The following RPSA variants were observed in gnomAD, a reference collection of about 807,000 sequenced individuals.
RPSA encodes small ribosomal subunit protein uS2.
For missense variants in RPSA, 140 were observed against 372.8 expected (o/e 0.38, Z 5.14); for synonymous variants, 103 against 126.7 (o/e 0.81, Z 1.25).
chr3:39,408,989 A>G lies in RPSA; in HGVS notation c.252+265A>G, dbSNP rs7632488. The G allele has an allele frequency of 0.95, 357,471 of 377,760 alleles. 170,645 individuals are homozygous for G. The highest frequency in any genetic ancestry group is 1 in the Non-Finnish European group (200,070 of 200,604). 23.4% of individuals were successfully genotyped at this position (377,760 alleles called of 1,614,324 possible). A position where few individuals can be genotyped will look rare whatever the true frequency, so the allele number is the denominator to read the frequency against. On this transcript the variant is annotated intron_variant, in intron 3 of 6. Transcript: ENST00000301821. ...TAGTCCCAGCTACTCAGGAGGCCAAAGTGGAGAATGGCGTGAACCCGGTGG... is the reference window on the plus strand; with the variant it reads ...TAGTCCCAGCTACTCAGGAGGCCAAGGTGGAGAATGGCGTGAACCCGGTGG...
chr3:39,411,886 T>TG lies in RPSA; in HGVS notation c.628-9dup, dbSNP rs759840667. On this transcript the variant is annotated splice_polypyrimidine_tract_variant and intron_variant, in intron 5 of 6. Transcript: ENST00000301821. ...CTGTAAGTCTTTCCTCTTTTTTTTTTGTAACCCAGATTGAAAAAGAAGAGC... is the reference window on the plus strand; with the variant it reads ...CTGTAAGTCTTTCCTCTTTTTTTTTTGGTAACCCAGATTGAAAAAGAAGAGC... 6.3e-7 allele frequency: 1 copy of TG among 1,599,654 alleles called. No homozygotes were observed. The highest frequency in any genetic ancestry group is 1.3e-5 in the African/African-American group (1 of 75,014).
At chr3:39,411,342 A>C in intron 4 of RPSA, 1 of 581,368 alleles carries the variant, frequency 1.7e-6, no homozygotes, top group Non-Finnish European at 3.1e-6. Flanking sequence ...GATGGGTTCT[A>C]CTATAAGATG....
chr3:39,410,721 A>G, intron 3 of RPSA, 33 bp from the exon 4 acceptor site: 1 of 1,613,856 alleles, frequency 6.2e-7, no homozygotes, highest in Non-Finnish European at 8.5e-7. Flanking sequence ...GCTGTGGAAT[A>G]TCGAGTACCA....
rs187934486 is a variant in RPSA at position 39,409,850 on chromosome 3, A to G, written c.253-904A>G. Among the ~76,000 whole-genome samples, 437 of 147,730 alleles carry G rather than the reference A, an allele frequency of 3.0e-3. 2 individuals are homozygous for G. Among genetic ancestry groups the G allele is most frequent in the African/African-American group, 0.01 (415 of 40,770 alleles). On this transcript the variant is annotated intron_variant, in intron 3 of 6. Coordinates refer to ENST00000301821, the MANE Select transcript of RPSA (RefSeq NM_002295.6). ...ATCCTGTTTCTTAAAAAAGCCAGTC[A>G]TGGGTGGCTCATGCTTTTGTAATAT...
chr3:39,411,155 C>A (rs765825079), intron 4 of RPSA, 156 bp downstream of exon 4: 9 of 869,078 alleles, frequency 1.0e-5, no homozygotes, highest in Middle Eastern at 2.1e-4. Flanking sequence ...GCTAACACCA[C>A]AAGGGTCTCT....
In RPSA at chr3:39,410,958, C is replaced by T. The variant is rs764622302; in HGVS notation, c.457C>T (p.Pro153Ser). 6.3e-7 allele frequency: 1 copy of T among 1,599,356 alleles called. No homozygotes were observed. The highest frequency in any genetic ancestry group is 2.2e-5 in the East Asian group (1 of 44,884). ...PTIALCNTDS[P>S]LRYVDIAIPC... The stretch of plus-strand genomic sequence containing the variant: ...CATTGCGCTGTGTAACACAGATTCT[C>T]CTCTGCGCTATGTGGACATTGCCAT... Residue 153 changes from proline to serine, a missense_variant, in exon 4 of 7, where the codon CCT (proline) becomes TCT (serine). Physicochemically the swap from Pro to Ser is moderately conservative, Grantham distance 74 (BLOSUM62 -1). Transcript: ENST00000301821.
chr3:39,407,933 T>C (rs1359892766), intron 2 of RPSA, 147 bp downstream of exon 2: 1 of 633,146 alleles, frequency 1.6e-6, no homozygotes, highest in Non-Finnish European at 2.7e-6. Flanking sequence ...TAAATAAATG[T>C]TCTTGTTATT....
chr3:39,407,703 A>C lies in RPSA; in HGVS notation c.50A>C (p.Lys17Thr). The C allele has an allele frequency of 6.3e-7, 1 of 1,592,182 alleles. No individual in the cohort carries two copies. Among genetic ancestry groups the C allele is most frequent in the Non-Finnish European group, 8.5e-7 (1 of 1,174,050 alleles). The change falls in exon 2 of 7, where the codon AAG becomes ACG. Residue 17 changes from lysine to threonine, a missense_variant. Transcript: ENST00000301821. ...VLQMKEEDVL[K>T]FLAAGTHLGG... ...CAAATGAAGGAGGAGGATGTCCTTA[A>C]GTTCCTTGCAGCAGGAACCCACTTA...
intron 6 of RPSA, 29 bp from the exon 7 acceptor site, chr3:39,412,245 G>A (rs769483620): frequency 3.9e-6 from 6 of 1,555,852 alleles, no homozygotes; most frequent in Non-Finnish European, 5.3e-6. Context: ...GGACAGAGCT[G>A]ATGGCTTTTT....
At chr3:39,409,836 T>TAAAAA (rs56170792) in intron 3 of RPSA, among the ~76,000 whole-genome samples, 40,165 of 151,470 alleles carry the variant, frequency 0.27, 5,831 homozygotes, top group Non-Finnish European at 0.32. Context: ...TCCTGTTTCT[T>TAAAAA]AAAAAAGCCA....
intron 4 of RPSA, 143 bp downstream of exon 4, chr3:39,411,142 T>A: frequency 1.0e-6 from 1 of 981,124 alleles, no homozygotes; most frequent in Non-Finnish European, 1.6e-6. Flanking sequence ...GGGGCAAGTT[T>A]TCGCTAACAC....
intron 3 of RPSA, chr3:39,410,474 G>A (rs2041990284): frequency 4.4e-6 from 2 of 456,314 alleles, no homozygotes; most frequent in Non-Finnish European, 8.1e-6. Context: ...AATGAACTGA[G>A]TGACAGTTCT....
At chr3:39,407,540 A>G in intron 1 of RPSA, 81 bp from the exon 2 acceptor site, 1 of 969,814 alleles carries the variant, frequency 1.0e-6, no homozygotes, top group Non-Finnish European at 1.6e-6. Flanking sequence ...ACTATAGCAG[A>G]TGGAGTTTTT....
intron 4 of RPSA, chr3:39,411,382 T>C (rs1414103124): frequency 1.8e-5 from 10 of 559,096 alleles, no homozygotes; most frequent in East Asian, 6.5e-5. Flanking sequence ...GTGGTTCAGA[T>C]TGGTTGATTT....
Position 39,410,860 on chromosome 3 carries a change from G to A in RPSA, c.359G>A (p.Arg120Gln), listed in dbSNP as rs754451302. 1.3e-6 allele frequency: 2 copies of A among 1,599,912 alleles called. No individual in the cohort carries two copies. Among genetic ancestry groups the A allele is most frequent in the Non-Finnish European group, 1.7e-6 (2 of 1,177,994 alleles). Residue 120 changes from arginine (R) to glutamine (Q), a missense_variant, in exon 4 of 7, where the codon CGG (arginine) becomes CAG (glutamine). Coordinates refer to ENST00000301821, the MANE Select transcript of RPSA (RefSeq NM_002295.6). ...ATCCAGGCAGCCTTCCGGGAGCCAC[G>A]GCTTCTTGTGGTTACTGACCCCAGG... ...NQIQAAFREP[R>Q]LLVVTDPRAD...
chr3:39,409,660 A>C (rs576727758), intron 3 of RPSA, among the ~76,000 whole-genome samples: 23 of 152,346 alleles, frequency 1.5e-4, no homozygotes, highest in African/African-American at 5.3e-4. Flanking sequence ...ACAATGAAAT[A>C]CTGGGACAGA....
chr3:39,410,421 G>A (rs1219412151), intron 3 of RPSA: 1 of 356,286 alleles, frequency 2.8e-6, no homozygotes, highest in Non-Finnish European at 5.4e-6. Flanking sequence ...GGACCACATA[G>A]TTTGGTACAC....
intron 4 of RPSA, chr3:39,411,240 TGA>T (rs2042001821): frequency 1.4e-6 from 1 of 725,052 alleles, no homozygotes; most frequent in African/African-American, 1.7e-5. Context: ...TGTGGAGAAA[TGA>T]AAACATTTGG....
chr3:39,408,467 T>C (rs767985148), intron 2 of RPSA, 139 bp from the exon 3 acceptor site: 18 of 778,130 alleles, frequency 2.3e-5, no homozygotes, highest in Admixed American at 2.0e-4. Context: ...GCTATATCAA[T>C]GGCAGGATTT....
Sources: allele counts gnomAD v4.1 joint callset (sites outside exome capture counted in the v4.1 genomes callset), GRCh38; gene constraint gnomAD v4.1.1; transcripts MANE v1.5; gene names NCBI Gene and HGNC (gene_info 2026-07-23, HGNC 2026-07-21).